Variants in STPG2 observed in about 807,000 individuals in gnomAD.
The protein encoded by STPG2 is sperm-tail PG-rich repeat-containing protein 2.
STPG2 carries 56 observed loss-of-function variants against 54.2 expected under a neutral mutation model. The ratio of observed to expected loss-of-function variants is 1.03; its 90% CI spans 0.83 to 1.29. The LOEUF (loss-of-function observed/expected upper bound fraction) is 1.29, where lower values mean the gene tolerates loss of function less well. Ranked by LOEUF, STPG2 falls within the 50% of genes most tolerant of loss-of-function variation. The probability of loss-of-function intolerance (pLI) is 0.00; values close to 1 mark genes in which losing one functional copy is unlikely to be tolerated. For synonymous variants in STPG2, 200 were observed against 181.8 expected, an observed-to-expected ratio of 1.10 and a Z score of -0.81; for missense variants, 596 against 544.9, an observed-to-expected ratio of 1.09 and a Z score of -0.93.
chr4:97,549,170 T>C (rs1731910349), intron 4 of STPG2, among the ~76,000 whole-genome samples: 1 of 152,186 alleles, frequency 6.6e-6, no homozygotes, highest in Non-Finnish European at 1.5e-5. Flanking sequence ...AAATGTTATT[T>C]AGCCCAGCTT....
chr4:97,569,114 A>C (rs1732533613), intron 10 of STPG2, among the ~76,000 whole-genome samples: 1 of 152,080 alleles, frequency 6.6e-6, no homozygotes, highest in African/African-American at 2.4e-5. Flanking sequence ...ACTTGTAGTT[A>C]TTTCTTGATT....
intron 5 of STPG2, among the ~76,000 whole-genome samples, chr4:98,060,155 C>A (rs1378375449): frequency 4.6e-5 from 7 of 152,138 alleles, no homozygotes; most frequent in African/African-American, 1.7e-4. Context: ...TGACATAATT[C>A]TATATCTATA....
At chr4:97,517,644 ATTAT>A (rs759095073) in intron 4 of STPG2, among the ~76,000 whole-genome samples, 4 of 152,102 alleles carry the variant, frequency 2.6e-5, no homozygotes, top group Admixed American at 1.3e-4. Flanking sequence ...TATTTATTAC[ATTAT>A]TTATCATAAA....
chr4:97,959,886 C>T (rs186908251), intron 7 of STPG2, among the ~76,000 whole-genome samples: 1 of 151,956 alleles, frequency 6.6e-6, no homozygotes, highest in Admixed American at 6.6e-5. Flanking sequence ...ATGGAAAGGA[C>T]ATAACAAAAA....
chr4:97,648,991 T>C (rs1321726035), intron 10 of STPG2, among the ~76,000 whole-genome samples: 1 of 152,130 alleles, frequency 6.6e-6, no homozygotes, highest in Non-Finnish European at 1.5e-5. Context: ...CAAACCCTAA[T>C]TGTCTGATGA....
chr4:97,722,009 A>C (rs1275582477), intron 9 of STPG2, among the ~76,000 whole-genome samples: 1 of 151,970 alleles, frequency 6.6e-6, no homozygotes, highest in Non-Finnish European at 1.5e-5. Context: ...TTTTTTATTA[A>C]GAAAATTATT....
intron 8 of STPG2, among the ~76,000 whole-genome samples, chr4:97,847,345 C>T (rs1405951895): frequency 3.3e-5 from 5 of 151,892 alleles, no homozygotes; most frequent in Non-Finnish European, 5.9e-5. Context: ...AAATACATGA[C>T]TTAGAAAGGA....
At chr4:97,875,420 C>T (rs906627705) in intron 8 of STPG2, among the ~76,000 whole-genome samples, 2 of 141,092 alleles carry the variant, frequency 1.4e-5, no homozygotes, top group South Asian at 2.2e-4. Flanking sequence ...CCTAATGACT[C>T]GTAAGGAAAA....
intron 8 of STPG2, among the ~76,000 whole-genome samples, chr4:97,889,149 C>T (rs1440464656): frequency 6.6e-6 from 1 of 152,120 alleles, no homozygotes; most frequent in Non-Finnish European, 1.5e-5. Flanking sequence ...TAATACACAC[C>T]TATTATCAAA....
intron 8 of STPG2, among the ~76,000 whole-genome samples, chr4:97,925,863 C>T (rs1732312728): frequency 6.6e-6 from 1 of 152,098 alleles, no homozygotes; most frequent in Non-Finnish European, 1.5e-5. Context: ...AATTCTGAAT[C>T]CCAGCTCCAT....
At chr4:97,830,956 C>T (rs970237474) in intron 9 of STPG2, among the ~76,000 whole-genome samples, 22 of 152,106 alleles carry the variant, frequency 1.4e-4, no homozygotes, top group African/African-American at 5.1e-4. Flanking sequence ...CAATATTACA[C>T]AGATCAATGA....
chr4:97,890,200 A>C (rs2149174014), intron 8 of STPG2, among the ~76,000 whole-genome samples: 1 of 152,230 alleles, frequency 6.6e-6, no homozygotes, highest in Non-Finnish European at 1.5e-5. Context: ...GGCAAAAATC[A>C]GGTCTACCAG....
At position 97,536,163 on chromosome 4, in the gene STPG2, C is replaced by T. The variant is rs186034207; in HGVS notation, c.462+176536G>A. Among the ~76,000 whole-genome samples, 460 of 152,280 alleles carry T rather than the reference C, an allele frequency of 3.0e-3. 2 individuals are homozygous for T. Among genetic ancestry groups the T allele is most frequent in the African/African-American group, 0.01 (424 of 41,556 alleles). On this transcript the variant is annotated intron_variant, in intron 4 of 4. Transcript: ENST00000522676. ...CAAAATTAAATAATTTTTATTGCTT[C>T]ATCTTCAAGGTCACTGATCTTTCCT...
rs150619013 is a variant in STPG2 at position 97,742,519 on chromosome 4, C to CTGTGTGTG, written c.1205-29713_1205-29706dup. 3.5e-3 allele frequency among the ~76,000 whole-genome samples: 442 copies of CTGTGTGTG among 125,094 alleles called. 2 individuals carry two copies. The highest frequency in any genetic ancestry group is 0.01 in the African/African-American group (349 of 33,870). 82.1% of individuals were successfully genotyped at this position (125,094 alleles called of 152,430 possible). ...GTCCATCAATGGATGAATGAATAAA[C>CTGTGTGTG]TGTGTGTGTGTGTGTGTGTGTGTGT... On this transcript the variant is annotated intron_variant, in intron 9 of 10. Transcript: ENST00000295268.
intron 5 of STPG2, among the ~76,000 whole-genome samples, chr4:98,022,550 T>A (rs530859763): frequency 6.6e-6 from 1 of 151,710 alleles, no homozygotes; most frequent in African/African-American, 2.4e-5. Flanking sequence ...ATTTCCTGAA[T>A]CTGAATGTTG....
At chr4:98,116,288 G>A (rs1739524873) in intron 3 of STPG2, among the ~76,000 whole-genome samples, 1 of 151,740 alleles carries the variant, frequency 6.6e-6, no homozygotes, top group South Asian at 2.1e-4. Context: ...ATTACATTTT[G>A]AGATGTAAGT....
intron 10 of STPG2, among the ~76,000 whole-genome samples, chr4:97,631,303 A>C (rs1323704772): frequency 1.3e-5 from 2 of 152,068 alleles, no homozygotes; most frequent in Admixed American, 6.5e-5. Context: ...ACTTGTTTAA[A>C]TTTCCATCAA....
chr4:97,474,493 A>G (rs1395774645), intron 4 of STPG2, among the ~76,000 whole-genome samples: 1 of 152,118 alleles, frequency 6.6e-6, no homozygotes, highest in African/African-American at 2.4e-5. Context: ...AGTGGCTTTG[A>G]ACATGATTTT....
At chr4:97,539,076 C>A (rs1731619994) in intron 4 of STPG2, among the ~76,000 whole-genome samples, 1 of 152,146 alleles carries the variant, frequency 6.6e-6, no homozygotes, top group East Asian at 1.9e-4. Flanking sequence ...TGGTACCAGC[C>A]ACTGCAAAAA....
Sources: allele counts gnomAD v4.1 joint callset (sites outside exome capture counted in the v4.1 genomes callset), GRCh38; gene constraint gnomAD v4.1.1; transcripts MANE v1.5; gene names NCBI Gene and HGNC (gene_info 2026-07-23, HGNC 2026-07-21).